The following MECOM variants were observed in gnomAD, a reference collection of about 807,000 sequenced individuals.
The protein encoded by MECOM is MDS1 and EVI1 complex locus.
MECOM carries 13 observed loss-of-function variants against 116.3 expected under a neutral mutation model. That is an observed-to-expected ratio of 0.11 (90% CI 0.07 to 0.18). The LOEUF (loss-of-function observed/expected upper bound fraction) is 0.18. Ranked by LOEUF, MECOM falls within the 10% of genes least tolerant of loss-of-function variation. MECOM has a pLI of 1.00. For synonymous variants in MECOM, 528 were observed against 535.2 expected, an observed-to-expected ratio of 0.99 and a Z score of 0.19; for missense variants, 1,299 against 1,509.0, an observed-to-expected ratio of 0.86 and a Z score of 2.31.
chr3:169,149,428 T>TG (rs1273735546), intron 2 of MECOM: 5 of 180,760 alleles, frequency 2.8e-5, no homozygotes, highest in Admixed American at 6.0e-5. Context: ...TGGCTTCGGG[T>TG]GGGGGGAGGC....
At chr3:169,122,954 A>T (rs890453749) in intron 5 of MECOM, among the ~76,000 whole-genome samples, 5 of 152,144 alleles carry the variant, frequency 3.3e-5, no homozygotes, top group African/African-American at 1.2e-4. Context: ...TCTTGTTGTT[A>T]GAAAATAAAT....
intron 1 of MECOM, among the ~76,000 whole-genome samples, chr3:169,447,423 T>A (rs1744832329): frequency 6.6e-6 from 1 of 152,162 alleles, no homozygotes; most frequent in Admixed American, 6.5e-5. Flanking sequence ...AGGTGGATGG[T>A]TATCTACTAT....
intron 2 of MECOM, among the ~76,000 whole-genome samples, chr3:169,380,811 TC>T (rs1732267739): frequency 6.6e-6 from 1 of 152,026 alleles, no homozygotes; most frequent in Non-Finnish European, 1.5e-5. Context: ...ATCCTCCAAC[TC>T]CCCACCCCAA....
At chr3:169,560,295 G>A (rs913146351) in intron 1 of MECOM, among the ~76,000 whole-genome samples, 1 of 152,092 alleles carries the variant, frequency 6.6e-6, no homozygotes, top group Non-Finnish European at 1.5e-5. Context: ...ATGGTGCTTT[G>A]GGTCAGAAAG....
At chr3:169,361,288 T>G (rs1438044086) in intron 2 of MECOM, among the ~76,000 whole-genome samples, 5 of 151,846 alleles carry the variant, frequency 3.3e-5, no homozygotes, top group Admixed American at 3.3e-4. Flanking sequence ...CATTTAAACA[T>G]GAATCAATGT....
chr3:169,147,472 GA>G, intron 2 of MECOM: 4 of 985,468 alleles, frequency 4.1e-6, no homozygotes, highest in Non-Finnish European at 4.8e-6. Flanking sequence ...AGAGTGATCT[GA>G]TCGGAAGCCA....
intron 1 of MECOM, among the ~76,000 whole-genome samples, chr3:169,597,776 T>C (rs1318098967): frequency 3.3e-5 from 5 of 152,100 alleles, no homozygotes; most frequent in African/African-American, 1.2e-4. Flanking sequence ...CATGAGGGAG[T>C]ATCAACACAC....
intron 1 of MECOM, among the ~76,000 whole-genome samples, chr3:169,489,368 A>G (rs1435504898): frequency 6.6e-6 from 1 of 152,232 alleles, no homozygotes; most frequent in Non-Finnish European, 1.5e-5. Flanking sequence ...AAATAAAAAT[A>G]GAACAGGTTT....
chr3:169,250,973 T>C (rs571452834), intron 2 of MECOM, among the ~76,000 whole-genome samples: 8 of 152,314 alleles, frequency 5.3e-5, no homozygotes, highest in African/African-American at 1.7e-4. Flanking sequence ...TTTGCTAAAA[T>C]GTTGAACAGG....
intron 1 of MECOM, among the ~76,000 whole-genome samples, chr3:169,525,040 T>G (rs1232803602): frequency 6.6e-6 from 1 of 152,164 alleles, no homozygotes; most frequent in African/African-American, 2.4e-5. Context: ...ATTCAAATCT[T>G]TCTCTAATCT....
intron 2 of MECOM, among the ~76,000 whole-genome samples, chr3:169,229,565 A>G (rs1446323109): frequency 6.6e-6 from 1 of 152,100 alleles, no homozygotes; most frequent in Non-Finnish European, 1.5e-5. Flanking sequence ...AGGCCCATTG[A>G]GCTGAATGAG....
chr3:169,577,627 G>A (rs1764672900), intron 1 of MECOM, among the ~76,000 whole-genome samples: 1 of 152,114 alleles, frequency 6.6e-6, no homozygotes, highest in African/African-American at 2.4e-5. Flanking sequence ...ATGAATGAAT[G>A]AATGATCCGA....
At chr3:169,663,157 C>T (rs931090300) in intron 1 of MECOM, among the ~76,000 whole-genome samples, 179 bp downstream of exon 1, 4 of 151,374 alleles carry the variant, frequency 2.6e-5, no homozygotes, top group Non-Finnish European at 5.9e-5. Context: ...GGAGCGAGAG[C>T]GCGGGCGACC....
intron 2 of MECOM, among the ~76,000 whole-genome samples, chr3:169,364,646 A>G (rs1728853492): frequency 6.6e-6 from 1 of 152,038 alleles, no homozygotes; most frequent in African/African-American, 2.4e-5. Flanking sequence ...CTGCATCCCA[A>G]GTGACAAAGT....
chr3:169,502,371 C>CA (rs1448627643), intron 1 of MECOM, among the ~76,000 whole-genome samples: 5 of 152,056 alleles, frequency 3.3e-5, no homozygotes, highest in African/African-American at 1.2e-4. Flanking sequence ...TCCTGATCTC[C>CA]AACTCCTTGG....
chr3:169,140,532 G>C (rs1040672508), intron 3 of MECOM, among the ~76,000 whole-genome samples: 2 of 151,952 alleles, frequency 1.3e-5, no homozygotes, highest in African/African-American at 4.8e-5. Flanking sequence ...GTTTAGCAGT[G>C]ATGTCAATGT....
intron 1 of MECOM, among the ~76,000 whole-genome samples, chr3:169,628,637 G>A (rs372991737): frequency 5.9e-5 from 9 of 152,282 alleles, no homozygotes; most frequent in African/African-American, 1.9e-4. Context: ...CTCAGGGGAC[G>A]GAACAATTCA....
chr3:169,349,100 C>G (rs1284098644), intron 2 of MECOM, among the ~76,000 whole-genome samples: 1 of 130,036 alleles, frequency 7.7e-6, no homozygotes, highest in Non-Finnish European at 1.6e-5. Context: ...CAGTGTTTTT[C>G]TCCCTCACTT....
At chr3:169,098,023 T>C (rs1722282382) in intron 12 of MECOM, among the ~76,000 whole-genome samples, 1 of 152,068 alleles carries the variant, frequency 6.6e-6, no homozygotes, top group Non-Finnish European at 1.5e-5. Flanking sequence ...ACATACCATT[T>C]TACTTTTTTT....
Sources: gnomAD v4.1 joint callset for allele counts (sites outside exome capture counted in the v4.1 genomes callset) on GRCh38, gnomAD v4.1.1 for gene constraint, MANE v1.5 for transcripts, NCBI Gene and HGNC (gene_info 2026-07-23, HGNC 2026-07-21) for gene names.